The following ANO3 variants were observed in gnomAD, a reference collection of about 807,000 sequenced individuals.
ANO3 encodes anoctamin-3.
Under a neutral mutation model 144.8 loss-of-function variants are expected in ANO3, and 99 were observed. The observed-to-expected ratio is 0.68, with a 90% confidence interval of 0.58 to 0.81. The LOEUF (loss-of-function observed/expected upper bound fraction) is 0.81, where lower values mean the gene tolerates loss of function less well. Ranked by LOEUF, ANO3 falls within the 30% of genes least tolerant of loss-of-function variation. The probability of loss-of-function intolerance (pLI) is 0.00; values close to 1 mark genes in which losing one functional copy is unlikely to be tolerated. For synonymous variants in ANO3, 414 were observed against 392.6 expected (o/e 1.05, Z -0.64); for missense variants, 905 against 1,202.2 (o/e 0.75, Z 3.66).
At chr11:26,360,383 G>T (rs541973389) in intron 1 of ANO3, among the ~76,000 whole-genome samples, 8 of 152,192 alleles carry the variant, frequency 5.3e-5, no homozygotes, top group African/African-American at 1.7e-4. Context: ...AGCGTGATCA[G>T]ATAGAGATTT....
chr11:26,306,986 G>T (rs1305642748), upstream of ANO3, among the ~76,000 whole-genome samples: 1 of 151,794 alleles, frequency 6.6e-6, no homozygotes, highest in Non-Finnish European at 1.5e-5. Flanking sequence ...AATCTATGGG[G>T]CCTTAAACTA....
chr11:26,435,133 A>G (rs1039635332), intron 1 of ANO3, among the ~76,000 whole-genome samples: 1 of 152,202 alleles, frequency 6.6e-6, no homozygotes, highest in East Asian at 1.9e-4. Context: ...TAGGATATTT[A>G]GGTCTTGTGG....
chr11:26,285,068 A>T (rs554596660), intron 1 of ANO3, among the ~76,000 whole-genome samples: 4 of 152,094 alleles, frequency 2.6e-5, no homozygotes, highest in Non-Finnish European at 4.4e-5. Context: ...AGGGGGAGCT[A>T]CCACTATGTG....
At chr11:26,189,395 T>G in intron 1 of ANO3, 1 of 866,524 alleles carries the variant, frequency 1.2e-6, no homozygotes, top group Non-Finnish European at 1.4e-6. Flanking sequence ...CTTTAATGTC[T>G]GATGTGTAAT....
At chr11:26,628,692 T>G (rs1565152580) in intron 18 of ANO3, among the ~76,000 whole-genome samples, 1 of 152,230 alleles carries the variant, frequency 6.6e-6, no homozygotes, top group Admixed American at 6.5e-5. Flanking sequence ...TACTCCAAAC[T>G]TAGTAGCTCA....
chr11:26,570,530 C>T (rs902985356), intron 14 of ANO3, among the ~76,000 whole-genome samples: 2 of 152,088 alleles, frequency 1.3e-5, no homozygotes, highest in Non-Finnish European at 2.9e-5. Context: ...GCTACTCATT[C>T]TAAACAGAAT....
intron 14 of ANO3, among the ~76,000 whole-genome samples, chr11:26,578,442 G>C (rs1031711922): frequency 1.3e-5 from 2 of 152,196 alleles, no homozygotes; most frequent in Admixed American, 6.5e-5. Flanking sequence ...GGGAGTCCCA[G>C]GTTTCAATTA....
In ANO3 at chr11:26,599,653, A is replaced by C. The variant is rs759492559; in HGVS notation, c.1775A>C (p.Gln592Pro). 3 of 1,614,024 alleles carry C rather than the reference A, an allele frequency of 1.9e-6. No individual in the cohort carries two copies. In the Admixed American group the frequency reaches 5.0e-5, roughly 27 times the overall value. ...FKWNFIKQYW[Q>P]FATSAAAVCI... ...TGGAATTTCATCAAACAATACTGGC[A>C]GTTTGCAACATCTGCTGCTGCTGTC... Residue 592 changes from glutamine to proline, a missense_variant, in exon 17 of 27, where the codon CAG (glutamine) becomes CCG (proline). This residue lies in a region of ANO3 where 597 missense variants were observed against 865.1 expected (regional missense o/e 0.69). Coordinates refer to ENST00000256737, the MANE Select transcript of ANO3 (RefSeq NM_031418.4).
At position 26,339,962 on chromosome 11, in the gene ANO3, A is replaced by G. The variant is rs540162528; in HGVS notation, c.46+7641A>G. On this transcript the variant is annotated intron_variant, in intron 1 of 26. Transcript: ENST00000256737. Reference sequence around the variant, plus strand: ...CTGCAGGATACAGGTTCACCAAAGCATGAATCTCCCATATTCACCTCCTCA... The same window carrying G: ...CTGCAGGATACAGGTTCACCAAAGCGTGAATCTCCCATATTCACCTCCTCA... Among the ~76,000 whole-genome samples, 16 of 152,326 alleles carry G rather than the reference A, an allele frequency of 1.1e-4. No homozygotes were observed. The South Asian group carries it at 2.5e-3, about 24-fold the overall frequency.
chr11:26,423,209 G>T lies in ANO3; in HGVS notation c.47-18709G>T, dbSNP rs534109896. On this transcript the variant is annotated intron_variant, in intron 1 of 26. Transcript: ENST00000256737. The stretch of plus-strand genomic sequence containing the variant: ...TAGAAACATAGAAGAAGGAATATGT[G>T]AAAAGAAGAATCAGTGTTTTTGAAG... Among the ~76,000 whole-genome samples the T allele has an allele frequency of 4.0e-5, 6 of 151,136 alleles. No homozygotes were observed. The East Asian group carries it at 1.2e-3, about 29-fold the overall frequency.
intron 1 of ANO3, among the ~76,000 whole-genome samples, chr11:26,416,663 G>T (rs184000521): frequency 6.6e-6 from 1 of 151,992 alleles, no homozygotes; most frequent in Non-Finnish European, 1.5e-5. Flanking sequence ...CTGACCTGGT[G>T]ATCCACCCAC....
chr11:26,374,476 G>T (rs1312287902), intron 1 of ANO3, among the ~76,000 whole-genome samples: 2 of 152,126 alleles, frequency 1.3e-5, no homozygotes, highest in African/African-American at 2.4e-5. Flanking sequence ...GTATCTTAAA[G>T]ATCACAGAAC....
At chr11:26,537,496 A>T in intron 10 of ANO3, 35 bp downstream of exon 10, 1 of 1,548,604 alleles carries the variant, frequency 6.5e-7, no homozygotes, top group Non-Finnish European at 8.9e-7. Flanking sequence ...TTTATAAACA[A>T]GGTTTTCATG....
At chr11:26,498,092 G>A (rs1174454546) in intron 4 of ANO3, among the ~76,000 whole-genome samples, 1 of 151,862 alleles carries the variant, frequency 6.6e-6, no homozygotes, top group African/African-American at 2.4e-5. Flanking sequence ...CTTTCCTGAT[G>A]ATGTCTTTTA....
At chr11:26,363,122 G>T (rs1226429410) in intron 1 of ANO3, among the ~76,000 whole-genome samples, 1 of 152,132 alleles carries the variant, frequency 6.6e-6, no homozygotes, top group Non-Finnish European at 1.5e-5. Flanking sequence ...CTATTTTACA[G>T]ATTTTTTTAG....
chr11:26,616,020 ATATT>A (rs1238209952), intron 17 of ANO3, among the ~76,000 whole-genome samples: 1 of 152,194 alleles, frequency 6.6e-6, no homozygotes, highest in Non-Finnish European at 1.5e-5. Flanking sequence ...GTTTTAAAAA[ATATT>A]TAATTAGTTC....
chr11:26,230,196 C>T (rs940351997), intron 1 of ANO3, among the ~76,000 whole-genome samples: 4 of 152,020 alleles, frequency 2.6e-5, no homozygotes, highest in African/African-American at 9.7e-5. Context: ...TTGTGAGTCA[C>T]TATGTTGGAG....
intron 14 of ANO3, among the ~76,000 whole-genome samples, chr11:26,571,473 A>C (rs1311661121): frequency 6.6e-6 from 1 of 152,120 alleles, no homozygotes; most frequent in East Asian, 1.9e-4. Context: ...TATCATGCTA[A>C]ATAATTATAT....
At chr11:26,452,065 C>T (rs1393779495) in intron 3 of ANO3, among the ~76,000 whole-genome samples, 3 of 152,172 alleles carry the variant, frequency 2.0e-5, no homozygotes, top group African/African-American at 7.2e-5. Context: ...AGGACATCCA[C>T]ACCAAAAGCC....
Sources: gnomAD v4.1 joint callset for allele counts (sites outside exome capture counted in the v4.1 genomes callset) on GRCh38, gnomAD v4.1.1 for gene constraint, gnomAD v4.1.1 regional missense constraint, MANE v1.5 for transcripts, NCBI Gene and HGNC (gene_info 2026-07-23, HGNC 2026-07-21) for gene names.